ZNF557: variants seen among roughly 807,000 people sequenced by gnomAD.
ZNF557 encodes the protein zinc finger protein 557, also known as CTB-25J19.9.
A neutral mutation model predicts 21.2 loss-of-function variants in ZNF557; 19 were observed. That is an observed-to-expected ratio of 0.90 (90% CI 0.63 to 1.32). The LOEUF (loss-of-function observed/expected upper bound fraction) is 1.32. Ranked by LOEUF, ZNF557 falls within the 40% of genes most tolerant of loss-of-function variation. The probability of loss-of-function intolerance (pLI) is 0.00; values close to 1 mark genes in which losing one functional copy is unlikely to be tolerated. For missense variants in ZNF557, 487 were observed against 519.8 expected (o/e 0.94, Z 0.61); for synonymous variants, 207 against 194.8 (o/e 1.06, Z -0.52).
chr19:7,082,763 C>T, intron 7 of ZNF557, 115 bp from the exon 8 acceptor site: 2 of 1,101,040 alleles, frequency 1.8e-6, no homozygotes, highest in Non-Finnish European at 2.5e-6. Flanking sequence ...ATGGCAAAAA[C>T]ATTAATTCCA....
chr19:7,081,844 A>C, intron 6 of ZNF557, 126 bp from the exon 7 acceptor site: 1 of 684,542 alleles, frequency 1.5e-6, no homozygotes, highest in Non-Finnish European at 2.6e-6. Context: ...CTTTCACCGA[A>C]TGCCTTCTCA....
At chr19:7,073,163 T>TTG (rs1236224038) in intron 2 of ZNF557, among the ~76,000 whole-genome samples, 87 of 149,310 alleles carry the variant, frequency 5.8e-4, no homozygotes, top group African/African-American at 1.9e-3. Flanking sequence ...TTTTGTTTTT[T>TTG]TTTTTTTGAG....
At position 7,075,064 on chromosome 19, in the gene ZNF557, G is replaced by A. The variant is rs766671709; in HGVS notation, c.-11G>A. Reference sequence around the variant, plus strand: ...GCTTCCCGGCTGCCCTGTTGCTGTCGGAGTCACAGGATGGCGGCTGTCGTC... The same window carrying A: ...GCTTCCCGGCTGCCCTGTTGCTGTCAGAGTCACAGGATGGCGGCTGTCGTC... On this transcript the variant is annotated 5_prime_UTR_variant, in exon 3 of 8. Coordinates refer to ENST00000252840, the MANE Select transcript of ZNF557 (RefSeq NM_024341.3). The A allele has an allele frequency of 1.2e-5, 19 of 1,614,006 alleles. No homozygotes were observed. The highest frequency in any genetic ancestry group is 1.6e-5 in the Non-Finnish European group (19 of 1,180,018).
Position 7,081,458 on chromosome 19 carries a change from G to T in ZNF557, c.343+3G>T. 6.2e-7 allele frequency: 1 copy of T among 1,606,080 alleles called. No individual in the cohort carries two copies. Among genetic ancestry groups the T allele is most frequent in the South Asian group, 1.1e-5 (1 of 90,568 alleles). On this transcript the variant is annotated splice_donor_region_variant and intron_variant, in intron 6 of 7. Coordinates refer to ENST00000252840, the MANE Select transcript of ZNF557 (RefSeq NM_024341.3). ...AATTCTCTCAGGTACCTGTCCAGGT[G>T]AGCACCAGGTGGATATAAGTCCTTG...
In ZNF557 at chr19:7,087,729, TGGGG is replaced by T. The variant is rs929020656; in HGVS notation, c.*3988_*3991del. The stretch of plus-strand genomic sequence containing the variant: ...GTGTGTGTGTGTGTGTGTGTTTGGT[TGGGG>T]GGTGTTGTGTTAGCTTCCAGGTGAA... On this transcript the variant is annotated 3_prime_UTR_variant, in exon 8 of 8. Coordinates refer to ENST00000252840, the MANE Select transcript of ZNF557 (RefSeq NM_024341.3). The T allele has an allele frequency of 1.3e-5, 2 of 151,092 alleles. No individual in the cohort carries two copies. Among genetic ancestry groups the T allele is most frequent in the South Asian group, 4.2e-4 (2 of 4,760 alleles). 9.4% of individuals were successfully genotyped at this position (151,092 alleles called of 1,614,324 possible).
In ZNF557 at chr19:7,082,998, A is replaced by C; in HGVS notation, c.547A>C (p.Ser183Arg). ...TACTGGAGAAAGACCCTATGGCTGC[A>C]GTGAATGTGGGAAATCCTACAGCAG... ...IHTGERPYGC[S>R]ECGKSYSSRS... The change falls in exon 8 of 8, where the codon AGT becomes CGT. Residue 183 changes from serine (S) to arginine (R), a missense_variant. Physicochemically the swap from Ser to Arg is moderately radical, Grantham distance 110. Transcript: ENST00000252840. 1 of 1,614,220 alleles carries C rather than the reference A, an allele frequency of 6.2e-7. No individual in the cohort carries two copies. Among genetic ancestry groups the C allele is most frequent in the Non-Finnish European group, 8.5e-7 (1 of 1,180,034 alleles).
chr19:7,083,882 CTTG>C lies in ZNF557; in HGVS notation c.*141_*143del. The C allele has an allele frequency of 9.7e-7, 1 of 1,036,002 alleles. No individual in the cohort carries two copies. Among genetic ancestry groups the C allele is most frequent in the East Asian group, 2.5e-5 (1 of 40,112 alleles). The allele number at this position is 1,036,002 out of a possible 1,614,324, so 64.2% of individuals were successfully genotyped here. ...AATTTTGTGGCTTCAAACAAAAACACTTGTTATCTCAAAATTTTTGTAGGTCAG... is the reference window on the plus strand; with the variant it reads ...AATTTTGTGGCTTCAAACAAAAACACTTATCTCAAAATTTTTGTAGGTCAG... On this transcript the variant is annotated 3_prime_UTR_variant, in exon 8 of 8. Transcript: ENST00000252840.
At position 7,076,272 on chromosome 19, in the gene ZNF557, A is replaced by T; in HGVS notation, c.121-109A>T. The T allele has an allele frequency of 9.9e-6, 16 of 1,608,842 alleles. No individual in the cohort carries two copies. In the South Asian group the frequency reaches 1.7e-4, roughly 17 times the overall value. On this transcript the variant is annotated intron_variant, in intron 4 of 7. Transcript: ENST00000252840. ...GGAGAGGAGCTCAGAATCCCCCCACATCTCGTGCTCAGGTTTCCCCAGCCC... is the reference window on the plus strand; with the variant it reads ...GGAGAGGAGCTCAGAATCCCCCCACTTCTCGTGCTCAGGTTTCCCCAGCCC...
intron 2 of ZNF557, among the ~76,000 whole-genome samples, chr19:7,072,850 G>A (rs904602991): frequency 6.6e-6 from 1 of 152,150 alleles, no homozygotes; most frequent in African/African-American, 2.4e-5. Context: ...TAGATGACAG[G>A]GATCTTCCTC....
At chr19:7,079,387 G>A (rs149415330) in intron 5 of ZNF557, among the ~76,000 whole-genome samples, 2,640 of 150,706 alleles carry the variant, frequency 0.018, 21 homozygotes, top group Non-Finnish European at 0.021. Context: ...GACTACAGGC[G>A]CCCACCACCA....
chr19:7,083,157 T>A lies in ZNF557; in HGVS notation c.706T>A (p.Tyr236Asn). 1 of 1,614,190 alleles carries A rather than the reference T, an allele frequency of 6.2e-7. No individual in the cohort carries two copies. The highest frequency in any genetic ancestry group is 8.5e-7 in the Non-Finnish European group (1 of 1,180,016). The change falls in exon 8 of 8, where the codon TAC (tyrosine) becomes AAC (asparagine). Residue 236 changes from tyrosine to asparagine, a missense_variant. Coordinates refer to ENST00000252840, the MANE Select transcript of ZNF557 (RefSeq NM_024341.3). ...GAGAATCCACAATGGGGAGAAACCCTACGAATGCAGTGACTGTGGGAAAAC... is the reference window on the plus strand; with the variant it reads ...GAGAATCCACAATGGGGAGAAACCCAACGAATGCAGTGACTGTGGGAAAAC... ...HKRIHNGEKPYECSDCGKTFS... is the reference protein window; with the variant it reads ...HKRIHNGEKPNECSDCGKTFS...
At position 7,083,443 on chromosome 19, in the gene ZNF557, G is replaced by C. The variant is rs1977764002; in HGVS notation, c.992G>C (p.Arg331Thr). 6.2e-7 allele frequency: 1 copy of C among 1,614,034 alleles called. No individual in the cohort carries two copies. The highest frequency in any genetic ancestry group is 1.1e-5 in the South Asian group (1 of 91,088). ...ECHDCGRTFR[R>T]RSNLTQHIRT... is the part of the protein sequence containing the mutation. ...CACGATTGTGGGAGAACCTTCAGGA[G>C]GAGGTCGAATCTGACACAGCACATA... is the stretch of plus-strand genomic sequence containing the variant. Residue 331 changes from arginine to threonine, a missense_variant, in exon 8 of 8, where the codon AGG (arginine) becomes ACG (threonine). Arg to Thr is a moderately conservative substitution (Grantham distance 71, BLOSUM62 -1). Transcript: ENST00000252840.
chr19:7,077,975 C>G (rs1977620844), intron 5 of ZNF557, among the ~76,000 whole-genome samples: 1 of 151,936 alleles, frequency 6.6e-6, no homozygotes, highest in Non-Finnish European at 1.5e-5. Flanking sequence ...CATTCAAGTG[C>G]TTTTTCCATT....
In ZNF557 at chr19:7,083,767, A is replaced by T; in HGVS notation, c.*23A>T. 1 of 1,570,330 alleles carries T rather than the reference A, an allele frequency of 6.4e-7. No homozygotes were observed. The highest frequency in any genetic ancestry group is 1.2e-5 in the South Asian group (1 of 82,776). On this transcript the variant is annotated 3_prime_UTR_variant, in exon 8 of 8. Coordinates refer to ENST00000252840, the MANE Select transcript of ZNF557 (RefSeq NM_024341.3). Reference sequence around the variant, plus strand: ...TGAATTCAATAACTGTGGGAAAAGCATTCATTGATCTTTCATGCCTCAGAT... The same window carrying T: ...TGAATTCAATAACTGTGGGAAAAGCTTTCATTGATCTTTCATGCCTCAGAT...
At chr19:7,073,812 A>C (rs979037790) in intron 2 of ZNF557, among the ~76,000 whole-genome samples, 1 of 152,186 alleles carries the variant, frequency 6.6e-6, no homozygotes, top group Admixed American at 6.5e-5. Context: ...GAAGGAAGCC[A>C]GGGCCTGAAT....
chr19:7,077,023 C>G (rs1040026090), intron 5 of ZNF557, among the ~76,000 whole-genome samples: 1 of 151,676 alleles, frequency 6.6e-6, no homozygotes, highest in Non-Finnish European at 1.5e-5. Context: ...GCTGGGATTA[C>G]AGATGTGAGC....
At chr19:7,072,745 G>C (rs74634965) in intron 2 of ZNF557, among the ~76,000 whole-genome samples, 4,026 of 152,220 alleles carry the variant, frequency 0.026, 57 homozygotes, top group Middle Eastern at 0.051. Flanking sequence ...CCAGATCCTG[G>C]GTTGGATGCC....
intron 2 of ZNF557, among the ~76,000 whole-genome samples, chr19:7,074,244 G>A (rs2145165131): frequency 6.6e-6 from 1 of 151,652 alleles, no homozygotes; most frequent in Admixed American, 6.6e-5. Context: ...CTGACCTCGT[G>A]ATCCGCCCGC....
chr19:7,079,511 A>G (rs927064648), intron 5 of ZNF557, among the ~76,000 whole-genome samples: 2 of 152,060 alleles, frequency 1.3e-5, no homozygotes, highest in African/African-American at 4.8e-5. Context: ...AAGTGCTGGG[A>G]TTACAGCCAT....
Sources: allele counts gnomAD v4.1 joint callset (sites outside exome capture counted in the v4.1 genomes callset), GRCh38; gene constraint gnomAD v4.1.1; transcripts MANE v1.5; gene names NCBI Gene and HGNC (gene_info 2026-07-23, HGNC 2026-07-21).